The following ZFHX3 variants were observed in gnomAD, a reference collection of about 807,000 sequenced individuals.
ZFHX3 encodes zinc finger homeobox 3.
In ZFHX3, 42 loss-of-function variants were observed where a neutral mutation model predicts 279.1. The observed-to-expected ratio is 0.15, with a 90% CI of 0.12 to 0.19. The LOEUF (loss-of-function observed/expected upper bound fraction) is 0.19. ZFHX3 is among the 10% of genes least tolerant of loss of function. The pLI is 1.00. For missense variants in ZFHX3, 4,981 were observed against 4,754.0 expected (o/e 1.05, Z -1.40); for synonymous variants, 2,293 against 1,957.8 (o/e 1.17, Z -4.52).
chr16:73,063,402 C>T (rs962799999), upstream of ZFHX3, among the ~76,000 whole-genome samples: 5 of 152,188 alleles, frequency 3.3e-5, no homozygotes, highest in African/African-American at 7.2e-5. Flanking sequence ...CCCATCGCCC[C>T]GGTCCACTCC....
chr16:73,769,095 G>C (rs1275106147), intron 1 of ZFHX3, among the ~76,000 whole-genome samples: 3 of 152,052 alleles, frequency 2.0e-5, no homozygotes, highest in African/African-American at 7.2e-5. Context: ...ATTTTTACTT[G>C]CTGAATCTGG....
chr16:72,865,013 C>G (rs2037979690), intron 4 of ZFHX3, among the ~76,000 whole-genome samples: 1 of 152,222 alleles, frequency 6.6e-6, no homozygotes. Flanking sequence ...TATTCCTCTA[C>G]CAATGAGGCT....
intron 2 of ZFHX3, among the ~76,000 whole-genome samples, chr16:73,475,204 C>T (rs543812792): frequency 1.2e-4 from 18 of 152,266 alleles, no homozygotes; most frequent in African/African-American, 2.9e-4. Context: ...ATCAAAATTA[C>T]GTAATTTAAA....
intron 2 of ZFHX3, chr16:73,486,696 C>A (rs2143638445): frequency 2.3e-6 from 1 of 431,596 alleles, no homozygotes; most frequent in African/African-American, 2.0e-5. Flanking sequence ...TAGCCCAGGA[C>A]TTTCCTGGTT....
chr16:73,104,478 C>T (rs1392330492), intron 7 of ZFHX3, among the ~76,000 whole-genome samples: 3 of 152,298 alleles, frequency 2.0e-5, no homozygotes, highest in East Asian at 1.9e-4. Flanking sequence ...GATCCACCTG[C>T]GTCAGCCTCC....
intron 3 of ZFHX3, among the ~76,000 whole-genome samples, chr16:73,372,959 AC>A (rs1489445624): frequency 3.3e-5 from 5 of 152,060 alleles, no homozygotes; most frequent in Admixed American, 3.3e-4. Flanking sequence ...TCCCAATCCC[AC>A]CCCTAATGAC....
intron 4 of ZFHX3, among the ~76,000 whole-genome samples, chr16:72,873,683 T>C (rs1055519085): frequency 6.6e-6 from 1 of 152,198 alleles, no homozygotes; most frequent in Non-Finnish European, 1.5e-5. Context: ...TTGTCAAAAA[T>C]CTTGAAAACA....
At chr16:73,043,058 G>A (rs1965172348) in intron 1 of ZFHX3, among the ~76,000 whole-genome samples, 1 of 152,034 alleles carries the variant, frequency 6.6e-6, no homozygotes. Context: ...GTAGGGGTGG[G>A]AGTGCGGCAG....
intron 5 of ZFHX3, among the ~76,000 whole-genome samples, chr16:72,820,753 T>C (rs2036769861): frequency 6.6e-6 from 1 of 152,156 alleles, no homozygotes; most frequent in Admixed American, 6.5e-5. Context: ...TTATTACGCT[T>C]CCCTGTGGCT....
At chr16:73,363,836 A>G (rs1305169594) in intron 3 of ZFHX3, among the ~76,000 whole-genome samples, 1 of 152,158 alleles carries the variant, frequency 6.6e-6, no homozygotes, top group Non-Finnish European at 1.5e-5. Flanking sequence ...AATGTACACC[A>G]TTAATTCTGC....
At chr16:73,591,315 C>G (rs781542978) in intron 2 of ZFHX3, among the ~76,000 whole-genome samples, 1 of 150,576 alleles carries the variant, frequency 6.6e-6, no homozygotes, top group Non-Finnish European at 1.5e-5. Flanking sequence ...ATGGCAGCAC[C>G]GCACTCCAGC....
chr16:72,873,856 T>C (rs776630356), intron 4 of ZFHX3, among the ~76,000 whole-genome samples: 1 of 152,234 alleles, frequency 6.6e-6, no homozygotes, highest in Non-Finnish European at 1.5e-5. Flanking sequence ...AACATTATTC[T>C]TAATGGCTAC....
chr16:73,663,523 G>A (rs150040664), intron 2 of ZFHX3, among the ~76,000 whole-genome samples: 1 of 152,280 alleles, frequency 6.6e-6, no homozygotes, highest in East Asian at 1.9e-4. Flanking sequence ...CCACAAACTT[G>A]CTCTCATTTC....
At chr16:73,505,260 C>T (rs192961772) in intron 2 of ZFHX3, among the ~76,000 whole-genome samples, 9 of 152,184 alleles carry the variant, frequency 5.9e-5, no homozygotes, top group Admixed American at 1.3e-4. Context: ...AAATGCAGAA[C>T]GTCAGCCAGT....
intron 1 of ZFHX3, among the ~76,000 whole-genome samples, chr16:73,739,982 C>T (rs1465001050): frequency 6.6e-6 from 1 of 152,118 alleles, no homozygotes; most frequent in Admixed American, 6.6e-5. Context: ...AGCATTTCCT[C>T]CTCCCAGTCC....
intron 1 of ZFHX3, among the ~76,000 whole-genome samples, chr16:73,001,475 T>C (rs1597075838): frequency 1.3e-5 from 2 of 152,292 alleles, no homozygotes; most frequent in East Asian, 3.9e-4. Flanking sequence ...TAATCTGTGA[T>C]GCAGCAATAG....
intron 1 of ZFHX3, among the ~76,000 whole-genome samples, chr16:73,707,247 A>G (rs1264451423): frequency 6.6e-6 from 1 of 152,182 alleles, no homozygotes; most frequent in Non-Finnish European, 1.5e-5. Context: ...CTTGGAGCCA[A>G]GCAAAACATG....
In ZFHX3 at chr16:73,228,639, G is replaced by T. The variant is rs2012677341; in HGVS notation, c.-1104+28408C>A. On this transcript the variant is annotated intron_variant, in intron 5 of 17. Coordinates refer to the ZFHX3 transcript ENST00000641206. ...GACTGCACCATTGTACTCCAGCATG[G>T]GTGACAGAGGGAGACCCTGTCTCAA... is the stretch of plus-strand genomic sequence containing the variant. Among the ~76,000 whole-genome samples the T allele has an allele frequency of 3.3e-5, 5 of 152,240 alleles. No individual in the cohort carries two copies. In the South Asian group the frequency reaches 1.0e-3, roughly 32 times the overall value.
intron 3 of ZFHX3, among the ~76,000 whole-genome samples, chr16:73,347,825 T>C (rs959130902): frequency 6.6e-6 from 1 of 152,246 alleles, no homozygotes; most frequent in African/African-American, 2.4e-5. Context: ...TAAATTATAC[T>C]TTGTAGATTA....
Sources: gnomAD v4.1 joint callset for allele counts (sites outside exome capture counted in the v4.1 genomes callset) on GRCh38, gnomAD v4.1.1 for gene constraint, MANE v1.5 for transcripts, NCBI Gene and HGNC (gene_info 2026-07-23, HGNC 2026-07-21) for gene names.